The following STK33 variants were observed in gnomAD, a reference collection of about 807,000 sequenced individuals.
STK33 encodes serine/threonine-protein kinase 33.
Under a neutral mutation model 58.0 loss-of-function variants are expected in STK33, and 52 were observed. The ratio of observed to expected loss-of-function variants is 0.90; its 90% CI spans 0.72 to 1.13. The LOEUF is 1.13. Among genes scored for constraint, STK33 ranks in the 50% most tolerant of loss-of-function variants. STK33 has a pLI of 0.00. For synonymous variants in STK33, 215 were observed against 200.1 expected (o/e 1.07, Z -0.63); for missense variants, 630 against 604.2 (o/e 1.04, Z -0.45).
the STK33 span, among the ~76,000 whole-genome samples, chr11:8,382,747 G>A: frequency 1.3e-5 from 2 of 152,152 alleles, no homozygotes; most frequent in Non-Finnish European, 2.9e-5. Flanking sequence ...CTGGCAAGCA[G>A]GCCTGTAATT....
At chr11:8,499,046 C>T (rs940529839) in intron 1 of STK33, among the ~76,000 whole-genome samples, 12 of 152,108 alleles carry the variant, frequency 7.9e-5, no homozygotes, top group African/African-American at 2.9e-4. Context: ...ACTAAAACAC[C>T]AAAAGCAATG....
chr11:8,493,107 C>A (rs1950762351), intron 1 of STK33, among the ~76,000 whole-genome samples: 1 of 151,976 alleles, frequency 6.6e-6, no homozygotes, highest in Non-Finnish European at 1.5e-5. Context: ...CAGAGCAGAA[C>A]TGAAGGAGAT....
chr11:8,441,339 ATG>A (rs529093307), intron 11 of STK33, among the ~76,000 whole-genome samples: 9 of 151,084 alleles, frequency 6.0e-5, no homozygotes, highest in African/African-American at 4.9e-5. Flanking sequence ...AAATATATAT[ATG>A]TGTGTGTGTG....
the STK33 span, among the ~76,000 whole-genome samples, chr11:8,361,513 G>C: frequency 3.0e-3 from 237 of 78,784 alleles, no homozygotes; most frequent in African/African-American, 0.011. This position sits in a 1 kb window ranked among gnomAD's most constrained non-coding sequence, Gnocchi z 4.8. Flanking sequence ...CCTCTCCACC[G>C]CCCCCACCAA....
intron 1 of STK33, among the ~76,000 whole-genome samples, chr11:8,568,136 T>C (rs761465133): frequency 1.3e-4 from 20 of 152,228 alleles, no homozygotes; most frequent in Non-Finnish European, 4.4e-5. Context: ...AGCTTGTTTT[T>C]ATCATAAAAC....
At position 8,392,164 on chromosome 11, in the gene STK33, G is replaced by T; in HGVS notation, c.*346C>A. ...GGCCTCTTGTTTTCCCCTATAAATA[G>T]CTGTGCCTAAACATAAGAATTTGAA... On this transcript the variant is annotated 3_prime_UTR_variant, in exon 16 of 16. Transcript: ENST00000687296. The T allele has an allele frequency of 3.9e-6, 1 of 253,808 alleles. No individual in the cohort carries two copies. The highest frequency in any genetic ancestry group is 7.5e-6 in the Non-Finnish European group (1 of 132,662). The allele number at this position is 253,808 out of a possible 1,614,324, so 15.7% of individuals were successfully genotyped here. A position where few individuals can be genotyped will look rare whatever the true frequency, so the allele number is the denominator to read the frequency against.
intron 15 of STK33, among the ~76,000 whole-genome samples, chr11:8,408,104 C>T (rs1185262449): frequency 6.6e-6 from 1 of 152,094 alleles, no homozygotes; most frequent in East Asian, 1.9e-4. Context: ...TTCTTGAAAA[C>T]ATACATGACA....
At chr11:8,428,957 T>A (rs1039452983) in intron 14 of STK33, among the ~76,000 whole-genome samples, 46 of 151,630 alleles carry the variant, frequency 3.0e-4, no homozygotes, top group East Asian at 3.9e-4. Context: ...TAAAAAAAAA[T>A]TTAAATATAA....
At chr11:8,516,910 G>T (rs1227277607) in intron 1 of STK33, among the ~76,000 whole-genome samples, 3 of 152,154 alleles carry the variant, frequency 2.0e-5, no homozygotes, top group African/African-American at 7.2e-5. Context: ...CTGGGGCAGG[G>T]CATAGCTGAA....
intron 12 of STK33, among the ~76,000 whole-genome samples, chr11:8,439,630 C>T (rs1944466718): frequency 1.3e-5 from 2 of 151,282 alleles, no homozygotes; most frequent in South Asian, 2.1e-4. Flanking sequence ...CCCATACACA[C>T]TCCAGAGGCA....
At chr11:8,377,488 T>C in the STK33 span, among the ~76,000 whole-genome samples, 1 of 152,114 alleles carries the variant, frequency 6.6e-6, no homozygotes, top group South Asian at 2.1e-4. Flanking sequence ...ATAAAAGCCA[T>C]GTATGACAGA....
At chr11:8,553,266 T>C (rs897161383) in intron 1 of STK33, among the ~76,000 whole-genome samples, 2 of 137,492 alleles carry the variant, frequency 1.5e-5, no homozygotes, top group Non-Finnish European at 3.2e-5. Context: ...ATATATCATA[T>C]ATATAAGTAA....
At position 8,392,083 on chromosome 11, in the gene STK33, C is replaced by T. The variant is rs1848658286; in HGVS notation, c.*427G>A. 5.9e-6 allele frequency: 1 copy of T among 170,540 alleles called. No homozygotes were observed. The highest frequency in any genetic ancestry group is 1.6e-4 in the South Asian group (1 of 6,348). 10.6% of individuals were successfully genotyped at this position (170,540 alleles called of 1,614,324 possible). ...GGCAAGTTTATTAGTAATTTTCTAACAAAGTCTTCTAGTGCAAAGTGCACA... is the reference window on the plus strand; with the variant it reads ...GGCAAGTTTATTAGTAATTTTCTAATAAAGTCTTCTAGTGCAAAGTGCACA... On this transcript the variant is annotated 3_prime_UTR_variant, in exon 16 of 16. Transcript: ENST00000687296.
chr11:8,407,000 C>A (rs1023067902), intron 15 of STK33, among the ~76,000 whole-genome samples: 3 of 149,772 alleles, frequency 2.0e-5, no homozygotes, highest in South Asian at 2.1e-4. Flanking sequence ...TGTAAAATCT[C>A]TTATTATGTA....
intron 1 of STK33, among the ~76,000 whole-genome samples, chr11:8,533,190 C>T (rs1244414734): frequency 6.6e-6 from 1 of 152,178 alleles, no homozygotes; most frequent in African/African-American, 2.4e-5. Flanking sequence ...CACCCTTTTC[C>T]CATGATGTTA....
At chr11:8,338,113 T>A in the STK33 span, among the ~76,000 whole-genome samples, 2 of 152,246 alleles carry the variant, frequency 1.3e-5, no homozygotes, top group Non-Finnish European at 2.9e-5. Context: ...GTGGCACCAG[T>A]ACTTAGAATA....
At chr11:8,505,095 G>C (rs924063092) in intron 1 of STK33, among the ~76,000 whole-genome samples, 5 of 152,244 alleles carry the variant, frequency 3.3e-5, no homozygotes, top group African/African-American at 1.2e-4. Flanking sequence ...CTGGAAAGGT[G>C]ATTGCTAAAT....
chr11:8,565,678 G>A (rs1692977614), intron 1 of STK33: 1 of 152,180 alleles, frequency 6.6e-6, no homozygotes, highest in African/African-American at 2.4e-5. Flanking sequence ...CACAGTAAGG[G>A]ATAGGTACCA....
intron 1 of STK33, among the ~76,000 whole-genome samples, chr11:8,505,822 G>C (rs951621438): frequency 3.3e-5 from 5 of 152,188 alleles, no homozygotes; most frequent in African/African-American, 4.8e-5. Context: ...GAAAGGCACT[G>C]AACTTCAACT....
Sources: allele counts gnomAD v4.1 joint callset (sites outside exome capture counted in the v4.1 genomes callset), GRCh38; gene constraint gnomAD v4.1.1; non-coding constraint Gnocchi (gnomAD v3.1); transcripts MANE v1.5; gene names NCBI Gene and HGNC (gene_info 2026-07-23, HGNC 2026-07-21).